The following WDPCP variants were observed in gnomAD, a reference collection of about 807,000 sequenced individuals.
WDPCP encodes the protein WD repeat containing planar cell polarity effector.
WDPCP carries 71 observed loss-of-function variants against 93.1 expected under a neutral mutation model. The observed-to-expected ratio is 0.76, with a 90% CI of 0.63 to 0.93. The LOEUF (loss-of-function observed/expected upper bound fraction) is 0.93, where lower values mean the gene tolerates loss of function less well. WDPCP is among the 40% of genes least tolerant of loss of function. The probability of loss-of-function intolerance (pLI) is 0.00; values close to 1 mark genes in which losing one functional copy is unlikely to be tolerated. For synonymous variants in WDPCP, 315 were observed against 315.0 expected (o/e 1.00, Z 0.00); for missense variants, 844 against 887.4 (o/e 0.95, Z 0.62).
At chr2:63,159,592 G>C (rs1220338028) in intron 15 of WDPCP, among the ~76,000 whole-genome samples, 1 of 152,142 alleles carries the variant, frequency 6.6e-6, no homozygotes, top group Non-Finnish European at 1.5e-5. Context: ...ATTCTGTGAT[G>C]AATGTTATTT....
intron 12 of WDPCP, among the ~76,000 whole-genome samples, chr2:63,373,431 C>T (rs1160113589): frequency 6.6e-6 from 1 of 151,400 alleles, no homozygotes. Flanking sequence ...TTTTAAAAAA[C>T]GTTTTGTAGA....
At chr2:63,624,183 T>C (rs1709781248) in intron 3 of WDPCP, among the ~76,000 whole-genome samples, 3 of 152,120 alleles carry the variant, frequency 2.0e-5, no homozygotes, top group African/African-American at 4.8e-5. Context: ...ACTGCTAAAG[T>C]AGTGTTTAAA....
intron 6 of WDPCP, among the ~76,000 whole-genome samples, chr2:63,455,529 A>G (rs1698565811): frequency 6.6e-6 from 1 of 151,882 alleles, no homozygotes; most frequent in Admixed American, 6.6e-5. Context: ...AGTTACATTT[A>G]TATCAGATAA....
At chr2:63,209,194 C>A (rs1349958511) in intron 14 of WDPCP, among the ~76,000 whole-genome samples, 1 of 152,236 alleles carries the variant, frequency 6.6e-6, no homozygotes, top group East Asian at 1.9e-4. Context: ...CTTTTTGTAA[C>A]TGTAGAATTG....
intron 17 of WDPCP, among the ~76,000 whole-genome samples, chr2:63,152,564 G>A (rs1051943788): frequency 1.3e-5 from 2 of 152,004 alleles, no homozygotes; most frequent in South Asian, 2.1e-4. Context: ...GAGCCACCGC[G>A]CCCTGCCAAC....
At chr2:63,777,563 T>C (rs1670323033) in intron 2 of WDPCP, among the ~76,000 whole-genome samples, 1 of 152,164 alleles carries the variant, frequency 6.6e-6, no homozygotes, top group Non-Finnish European at 1.5e-5. Flanking sequence ...AGTATATCCA[T>C]AAAATGAAAT....
chr2:63,249,145 C>T (rs1052728660), intron 14 of WDPCP, among the ~76,000 whole-genome samples: 5 of 152,010 alleles, frequency 3.3e-5, no homozygotes, highest in Non-Finnish European at 7.4e-5. Flanking sequence ...CCATCTTTCC[C>T]GGTCTTTGCA....
Position 63,259,349 on chromosome 2 carries a change from T to G in WDPCP, c.1873A>C (p.Arg625=). The change falls in exon 14 of 18, where the codon AGA becomes CGA. Residue 625 remains arginine (R), a synonymous_variant. Transcript: ENST00000272321. The part of the protein sequence containing the change: ...ELALAEVARK[R]ASDIDAESIT... ...GATTCTGCATCAATGTCACTAGCTC[T>G]TTTTCTTGCCACTTCAGCTAGTGCC... The G allele has an allele frequency of 6.2e-7, 1 of 1,612,740 alleles. No homozygotes were observed. Among genetic ancestry groups the G allele is most frequent in the Middle Eastern group, 1.7e-4 (1 of 6,044 alleles).
intron 1 of WDPCP, among the ~76,000 whole-genome samples, chr2:63,573,754 A>G (rs965045002): frequency 4.6e-5 from 7 of 152,198 alleles, no homozygotes; most frequent in Admixed American, 4.6e-4. Context: ...GATGGAACAG[A>G]GCCATATTCC....
At chr2:63,637,065 G>C (rs1709928115) in intron 3 of WDPCP, among the ~76,000 whole-genome samples, 2 of 152,064 alleles carry the variant, frequency 1.3e-5, no homozygotes, top group Admixed American at 1.3e-4. Flanking sequence ...AAACAAACAA[G>C]AGTGGCGGCT....
intron 9 of WDPCP, among the ~76,000 whole-genome samples, chr2:63,419,432 G>A (rs548303639): frequency 1.3e-5 from 2 of 152,252 alleles, no homozygotes; most frequent in South Asian, 2.1e-4. Context: ...GAGCCACTGC[G>A]CCCGGCCCCT....
chr2:63,605,323 T>G (rs921408835), intron 3 of WDPCP: 3 of 1,614,066 alleles, frequency 1.9e-6, no homozygotes, highest in Non-Finnish European at 2.5e-6. Context: ...GCTCGAAAAC[T>G]ATCCAGTGCC....
In WDPCP at chr2:63,646,250, C is replaced by T. The variant is rs988020832; in HGVS notation, n.488+4409G>A. Among the ~76,000 whole-genome samples the T allele has an allele frequency of 1.2e-4, 18 of 152,188 alleles. 1 individual carries two copies. The highest frequency in any genetic ancestry group is 3.9e-4 in the African/African-American group (16 of 41,538). On this transcript the variant is annotated intron_variant and non_coding_transcript_variant, in intron 3 of 4. Transcript: ENST00000467687. ...TTATTTTAAGCTGATAACAACTCTG[C>T]ATAAACAAACAAGCAAAAAGAAAAC...
At chr2:63,620,509 G>A (rs1221988317) in intron 3 of WDPCP, among the ~76,000 whole-genome samples, 1 of 152,188 alleles carries the variant, frequency 6.6e-6, no homozygotes, top group Non-Finnish European at 1.5e-5. Flanking sequence ...CTGAAAGAAA[G>A]GCAGCAGCCC....
chr2:63,209,163 G>A (rs987063986), intron 14 of WDPCP, among the ~76,000 whole-genome samples: 1 of 152,230 alleles, frequency 6.6e-6, no homozygotes, highest in Non-Finnish European at 1.5e-5. Context: ...CTCCTTCACA[G>A]GGGTGCCTCT....
intron 6 of WDPCP, among the ~76,000 whole-genome samples, chr2:63,475,321 G>A (rs1037540406): frequency 6.6e-6 from 1 of 151,858 alleles, no homozygotes; most frequent in African/African-American, 2.4e-5. Flanking sequence ...TTCTCTTTCT[G>A]CTTGCCTAAA....
chr2:63,575,305 A>G (rs1707845122), intron 1 of WDPCP, among the ~76,000 whole-genome samples: 1 of 145,668 alleles, frequency 6.9e-6, no homozygotes, highest in African/African-American at 2.5e-5. Flanking sequence ...ATGTATATAT[A>G]TAGTATGTAC....
intron 12 of WDPCP, among the ~76,000 whole-genome samples, chr2:63,356,455 C>G (rs1289633364): frequency 6.6e-6 from 1 of 152,180 alleles, no homozygotes; most frequent in Non-Finnish European, 1.5e-5. Context: ...GAACTCTCCA[C>G]CCCAAAACAA....
chr2:63,624,980 A>G (rs1389749668), intron 3 of WDPCP, among the ~76,000 whole-genome samples: 1 of 152,208 alleles, frequency 6.6e-6, no homozygotes, highest in Admixed American at 6.5e-5. Context: ...CTGATCCACC[A>G]CTATCAAGTG....
Sources: allele counts gnomAD v4.1 joint callset (sites outside exome capture counted in the v4.1 genomes callset), GRCh38; gene constraint gnomAD v4.1.1; transcripts MANE v1.5; gene names NCBI Gene and HGNC (gene_info 2026-07-23, HGNC 2026-07-21).